The following PCDHGA2 variants were observed in gnomAD, a reference collection of about 807,000 sequenced individuals.
PCDHGA2 encodes the protein protocadherin gamma subfamily A, 2, also known as protocadherin gamma-A2.
PCDHGA2 carries 40 observed loss-of-function variants against 59.2 expected under a neutral mutation model. The observed-to-expected ratio is 0.68, with a 90% confidence interval of 0.52 to 0.88. The LOEUF is 0.88. Among genes scored for constraint, PCDHGA2 ranks in the 40% least tolerant of loss-of-function variants. The pLI is 0.00. For synonymous variants in PCDHGA2, 560 were observed against 526.0 expected (o/e 1.06, Z -0.89); for missense variants, 1,226 against 1,204.0 (o/e 1.02, Z -0.27).
rs576983336 is a variant in PCDHGA2, at chr5:141,489,165, G to A, written c.2425-5642G>A. 5.8e-4 allele frequency: 625 copies of A among 1,082,080 alleles called. 8 individuals are homozygous for A. The South Asian group carries it at 7.9e-3, about 14-fold the overall frequency. The allele number at this position is 1,082,080 out of a possible 1,614,324, so 67.0% of individuals were successfully genotyped here. On this transcript the variant is annotated intron_variant, in intron 1 of 3. Transcript: ENST00000394576. The surrounding 1 kb of genome is among the most constrained non-coding windows in gnomAD (Gnocchi z 4.5). ...GAAGGAGACATAAGAGACTTCAGCT[G>A]CTGCATTCCAAGCCCTGGGTCTACC...
In PCDHGA2 at chr5:141,485,944, G is replaced by A; in HGVS notation, c.2425-8863G>A. 1.2e-6 allele frequency: 2 copies of A among 1,614,116 alleles called. No homozygotes were observed. The highest frequency in any genetic ancestry group is 1.7e-6 in the Non-Finnish European group (2 of 1,180,020). ...TTAGTGTGTTGGAGAGCGCACCAGC[G>A]GGCATGGTGCTCATCCAGCTCAATG... On this transcript the variant is annotated intron_variant, in intron 1 of 3. Coordinates refer to ENST00000394576, the MANE Select transcript of PCDHGA2 (RefSeq NM_018915.4). This position sits in a 1 kb window ranked among gnomAD's most constrained non-coding sequence, Gnocchi z 5.7.
intron 1 of PCDHGA2, chr5:141,385,343 T>C: frequency 1.3e-6 from 2 of 1,568,526 alleles, no homozygotes; most frequent in Non-Finnish European, 1.7e-6. Flanking sequence ...GCCCTTCCTT[T>C]ATTTCCATGA....
intron 1 of PCDHGA2, chr5:141,478,583 C>G: frequency 6.3e-7 from 1 of 1,578,146 alleles, no homozygotes; most frequent in Non-Finnish European, 8.6e-7. Context: ...CCTGTTAGTG[C>G]TTTTTTATTC....
Position 141,493,554 on chromosome 5 carries a change from G to A in PCDHGA2, c.2425-1253G>A, listed in dbSNP as rs2099748882. The stretch of plus-strand genomic sequence containing the variant: ...GGCCAGTTATCCTTTTGGAGATTGA[G>A]TTCCCCCAGCTCCGTTTCCTCCTAT... On this transcript the variant is annotated intron_variant, in intron 1 of 3. Coordinates refer to ENST00000394576, the MANE Select transcript of PCDHGA2 (RefSeq NM_018915.4). The surrounding 1 kb of genome is among the most constrained non-coding windows in gnomAD (Gnocchi z 4.3). 6.6e-6 allele frequency among the ~76,000 whole-genome samples: 1 copy of A among 152,166 alleles called. No homozygotes were observed. Among genetic ancestry groups the A allele is most frequent in the Admixed American group, 6.5e-5 (1 of 15,282 alleles).
chr5:141,382,729 A>G, intron 1 of PCDHGA2: 1 of 548,650 alleles, frequency 1.8e-6, no homozygotes, highest in Non-Finnish European at 3.1e-6. Flanking sequence ...GTTTTACAGC[A>G]CAGAGAAACG....
In PCDHGA2 at chr5:141,482,843, G is replaced by T. The variant is rs1005014887; in HGVS notation, c.2425-11964G>T. On this transcript the variant is annotated intron_variant, in intron 1 of 3. Transcript: ENST00000394576. ...TCCTAGCACTTTGGGAGGCCAAGGT[G>T]GGCAGATCACTTGAGGTCAGGAGTT... Among the ~76,000 whole-genome samples the T allele has an allele frequency of 4.3e-5, 6 of 140,152 alleles. No homozygotes were observed. The South Asian group carries it at 8.6e-4, about 20-fold the overall frequency. 91.9% of individuals were successfully genotyped at this position (140,152 alleles called of 152,430 possible).
intron 1 of PCDHGA2, among the ~76,000 whole-genome samples, chr5:141,436,594 G>T (rs79477223): frequency 0.052 from 7,980 of 152,210 alleles, 223 homozygotes; most frequent in South Asian, 0.079. Flanking sequence ...AAAGGTCGTG[G>T]TGATGGCTAG....
At position 141,404,694 on chromosome 5, in the gene PCDHGA2, C is replaced by T. The variant is rs749803871; in HGVS notation, c.2424+63299C>T. 10 of 1,614,116 alleles carry T rather than the reference C, an allele frequency of 6.2e-6. No homozygotes were observed. The East Asian group carries it at 2.0e-4, about 32-fold the overall frequency. ...ACTGGTGTGGAGCTGGCACCCCGCT[C>T]TGCAGAGCCTGGCTACCTGGTGACC... On this transcript the variant is annotated intron_variant, in intron 1 of 3. Coordinates refer to ENST00000394576, the MANE Select transcript of PCDHGA2 (RefSeq NM_018915.4).
intron 1 of PCDHGA2, among the ~76,000 whole-genome samples, chr5:141,443,479 C>G (rs1285767691): frequency 6.6e-6 from 1 of 152,144 alleles, no homozygotes; most frequent in African/African-American, 2.4e-5. Context: ...GAATTAGACC[C>G]TGTCCCAAAA....
At chr5:141,435,376 A>G (rs1358757887) in intron 1 of PCDHGA2, among the ~76,000 whole-genome samples, 1 of 152,200 alleles carries the variant, frequency 6.6e-6, no homozygotes, top group Non-Finnish European at 1.5e-5. Flanking sequence ...TAAATATACA[A>G]TATACCGTAT....
chr5:141,386,602 T>C (rs2090639414), intron 1 of PCDHGA2, among the ~76,000 whole-genome samples: 1 of 152,182 alleles, frequency 6.6e-6, no homozygotes, highest in African/African-American at 2.4e-5. Flanking sequence ...TACATTTTTT[T>C]TTTTTGACAT....
chr5:141,392,785 T>G (rs1329989423), intron 1 of PCDHGA2: 2 of 1,549,000 alleles, frequency 1.3e-6, no homozygotes, highest in African/African-American at 2.7e-5. Flanking sequence ...ACAGTGAAGA[T>G]TCTGAGAGGA....
intron 1 of PCDHGA2, chr5:141,422,893 C>A (rs1405800318): frequency 4.3e-6 from 7 of 1,614,246 alleles, no homozygotes; most frequent in Non-Finnish European, 5.9e-6. Context: ...CGTGCTGGAC[C>A]AGAACGACAA....
intron 1 of PCDHGA2, chr5:141,390,423 C>T: frequency 9.4e-7 from 1 of 1,058,546 alleles, no homozygotes; most frequent in Non-Finnish European, 1.3e-6. Context: ...AGTTAAAAAG[C>T]TGTCATATCA....
chr5:141,496,888 T>TA (rs35063790), intron 2 of PCDHGA2, among the ~76,000 whole-genome samples: 34,968 of 133,936 alleles, frequency 0.26, 4,377 homozygotes, highest in Admixed American at 0.34. Flanking sequence ...AAGTAACACT[T>TA]AAAAAAAAAA....
Position 141,389,842 on chromosome 5 carries a change from C to G in PCDHGA2, c.2424+48447C>G, listed in dbSNP as rs779733638. The G allele has an allele frequency of 3.7e-6, 6 of 1,613,900 alleles. No individual in the cohort carries two copies. In the Admixed American group the frequency reaches 8.3e-5, roughly 22 times the overall value. ...CGTGACGGTGGACAGCCACCACTCT[C>G]GGCCACTGCCACGTTGCACCTGGTC... On this transcript the variant is annotated intron_variant, in intron 1 of 3. Coordinates refer to ENST00000394576, the MANE Select transcript of PCDHGA2 (RefSeq NM_018915.4).
At chr5:141,394,710 C>T in intron 1 of PCDHGA2, 1 of 1,613,354 alleles carries the variant, frequency 6.2e-7, no homozygotes. Context: ...GCGAGCCCTG[C>T]TGGACAGAGA....
intron 1 of PCDHGA2, among the ~76,000 whole-genome samples, chr5:141,368,092 A>G (rs1319696119): frequency 6.6e-6 from 1 of 152,216 alleles, no homozygotes; most frequent in South Asian, 2.1e-4. Context: ...TTTGCTGAAG[A>G]TGATTTTCAG....
intron 1 of PCDHGA2, chr5:141,419,893 TCCC>T (rs571839457): frequency 5.0e-5 from 81 of 1,613,960 alleles, no homozygotes; most frequent in Non-Finnish European, 6.5e-5. Context: ...TCAGCGACCA[TCCC>T]ACACCCTCTG....
Sources: allele counts gnomAD v4.1 joint callset (sites outside exome capture counted in the v4.1 genomes callset), GRCh38; gene constraint gnomAD v4.1.1; non-coding constraint Gnocchi (gnomAD v3.1); transcripts MANE v1.5; gene names NCBI Gene and HGNC (gene_info 2026-07-23, HGNC 2026-07-21).